PRKCE: variants seen among roughly 807,000 people sequenced by gnomAD.
PRKCE encodes protein kinase C epsilon.
A neutral mutation model predicts 85.4 loss-of-function variants in PRKCE; 16 were observed. The ratio of observed to expected loss-of-function variants is 0.19; its 90% CI spans 0.13 to 0.28. The LOEUF is 0.28. PRKCE is among the 10% of genes least tolerant of loss of function. PRKCE has a pLI of 1.00. For synonymous variants in PRKCE, 388 were observed against 371.5 expected (o/e 1.04, Z -0.51); for missense variants, 573 against 975.2 (o/e 0.59, Z 5.49).
chr2:46,010,706 G>T (rs765654376), intron 10 of PRKCE, 189 bp downstream of exon 10: 11 of 1,598,476 alleles, frequency 6.9e-6, no homozygotes, highest in Non-Finnish European at 8.5e-6. Context: ...TCCATTCAAG[G>T]TTGTGCTTGT....
chr2:45,818,252 G>A (rs1229628934), intron 1 of PRKCE, among the ~76,000 whole-genome samples: 1 of 152,142 alleles, frequency 6.6e-6, no homozygotes, highest in Non-Finnish European at 1.5e-5. Context: ...CCAAATATTT[G>A]GGACTGAAGA....
At position 46,137,614 on chromosome 2, in the gene PRKCE, G is replaced by T. The variant is rs1158002256; in HGVS notation, c.1593-7479G>T. ...AAAATTACAAAAAAAAAAAAAAAAA[G>T]ATCTGGACAGTAGTGGTGCATGCCT... On this transcript the variant is annotated intron_variant, in intron 11 of 14. Coordinates refer to ENST00000306156, the MANE Select transcript of PRKCE (RefSeq NM_005400.3). Among the ~76,000 whole-genome samples, 5 of 141,902 alleles carry T rather than the reference G, an allele frequency of 3.5e-5. No homozygotes were observed. In the Admixed American group the frequency reaches 3.5e-4, roughly 10 times the overall value. The allele number at this position is 141,902 out of a possible 152,430, so 93.1% of individuals were successfully genotyped here. A position where few individuals can be genotyped will look rare whatever the true frequency, so the allele number is the denominator to read the frequency against.
chr2:46,097,810 G>C (rs1262703269), intron 11 of PRKCE, among the ~76,000 whole-genome samples: 1 of 152,308 alleles, frequency 6.6e-6, no homozygotes, highest in East Asian at 1.9e-4. Context: ...ATCTACTTGA[G>C]GCTGAGACTA....
intron 14 of PRKCE, among the ~76,000 whole-genome samples, chr2:46,173,639 G>T (rs1383456494): frequency 1.3e-5 from 2 of 152,232 alleles, no homozygotes; most frequent in African/African-American, 4.8e-5. Flanking sequence ...CCTTCCAAAG[G>T]AACCTTCGGG....
intron 1 of PRKCE, among the ~76,000 whole-genome samples, chr2:45,695,633 T>C (rs949365149): frequency 1.8e-4 from 28 of 152,128 alleles, no homozygotes; most frequent in African/African-American, 5.5e-4. Context: ...ATTAGCCGGG[T>C]GTGATGGTAT....
Position 46,007,663 on chromosome 2 carries a change from T to A in PRKCE, c.1263+2T>A. The A allele has an allele frequency of 6.3e-7, 1 of 1,599,542 alleles. No individual in the cohort carries two copies. ...TTGGGCAAAGGCAGCTTTGGCAAGG[T>A]CTGTGGCACACACGGGTGGAACTGC... On this transcript the variant is annotated splice_donor_variant, in intron 9 of 14. Coordinates refer to ENST00000306156, the MANE Select transcript of PRKCE (RefSeq NM_005400.3). LOFTEE classifies it high-confidence loss of function.
At chr2:46,097,292 G>C (rs189660791) in intron 11 of PRKCE, among the ~76,000 whole-genome samples, 8 of 152,258 alleles carry the variant, frequency 5.3e-5, no homozygotes, top group Admixed American at 5.2e-4. Context: ...GCCGAGGTGG[G>C]TGGATCACAA....
intron 10 of PRKCE, among the ~76,000 whole-genome samples, chr2:46,083,781 T>C (rs374418261): frequency 4.6e-5 from 7 of 152,348 alleles, no homozygotes; most frequent in African/African-American, 1.7e-4. Flanking sequence ...CAAGCTTCCA[T>C]GTGATTCTAA....
At chr2:45,850,543 C>T (rs1397602291) in intron 2 of PRKCE, among the ~76,000 whole-genome samples, 2 of 152,164 alleles carry the variant, frequency 1.3e-5, no homozygotes, top group African/African-American at 4.8e-5. Flanking sequence ...ATTCATTTAA[C>T]CTAATTTAGA....
intron 1 of PRKCE, among the ~76,000 whole-genome samples, chr2:45,803,085 A>G (rs941207303): frequency 6.6e-6 from 1 of 152,244 alleles, no homozygotes; most frequent in Non-Finnish European, 1.5e-5. Flanking sequence ...TGATTTCTAA[A>G]CAATATTCCA....
At chr2:45,770,702 C>A (rs899201743) in intron 1 of PRKCE, 1 of 152,224 alleles carries the variant, frequency 6.6e-6, no homozygotes, top group African/African-American at 2.4e-5. Context: ...GATGCCAGCT[C>A]TCTAACCGTA....
intron 1 of PRKCE, among the ~76,000 whole-genome samples, chr2:45,689,763 G>T (rs538877269): frequency 6.6e-6 from 1 of 151,908 alleles, no homozygotes; most frequent in African/African-American, 2.4e-5. Flanking sequence ...AGGCATGGTG[G>T]TGTGTGACTG....
rs566485718 is a variant in PRKCE at position 46,138,585 on chromosome 2, T to G, written c.1593-6508T>G. On this transcript the variant is annotated intron_variant, in intron 11 of 14. Transcript: ENST00000306156. This position sits in a 1 kb window ranked among gnomAD's most constrained non-coding sequence, Gnocchi z 4.2. ...TGTGCTTTCCAAATCTCTGTCTGGC[T>G]TAGTGATCCGGGCCAGGCCGTGTTA... 1.3e-3 allele frequency among the ~76,000 whole-genome samples: 204 copies of G among 152,308 alleles called. No homozygotes were observed. Among genetic ancestry groups the G allele is most frequent in the Non-Finnish European group, 2.2e-3 (150 of 68,024 alleles).
chr2:46,115,375 A>G (rs868577218), intron 11 of PRKCE, among the ~76,000 whole-genome samples: 1 of 152,186 alleles, frequency 6.6e-6, no homozygotes, highest in Non-Finnish European at 1.5e-5. Context: ...TTTTGTACAA[A>G]GAGAAGCACA....
intron 10 of PRKCE, among the ~76,000 whole-genome samples, chr2:46,024,106 T>C (rs1013910483): frequency 6.6e-6 from 1 of 152,270 alleles, no homozygotes; most frequent in Middle Eastern, 3.4e-3. Context: ...CTCCTGAGGA[T>C]TGATAAACCA....
intron 2 of PRKCE, among the ~76,000 whole-genome samples, chr2:45,917,861 C>A (rs956263411): frequency 5.3e-5 from 8 of 152,266 alleles, no homozygotes; most frequent in Non-Finnish European, 8.8e-5. Context: ...GCGCAGCGCC[C>A]GTGGGCCGGC....
intron 10 of PRKCE, among the ~76,000 whole-genome samples, chr2:46,084,407 C>T (rs985320741): frequency 3.3e-5 from 5 of 152,144 alleles, no homozygotes; most frequent in African/African-American, 4.8e-5. Context: ...CTCCTGGAAG[C>T]TTCACTTAGA....
rs187883572 is a variant in PRKCE, at chr2:45,967,799, A to T, written c.413-8630A>T. Reference sequence around the variant, plus strand: ...TGGAATTGCCCCTCTCCTGATAGATAAGATAGGAAAACAGTGGCTCAGAGA... The same window carrying T: ...TGGAATTGCCCCTCTCCTGATAGATTAGATAGGAAAACAGTGGCTCAGAGA... On this transcript the variant is annotated intron_variant, in intron 2 of 14. Transcript: ENST00000306156. 5.3e-5 allele frequency among the ~76,000 whole-genome samples: 8 copies of T among 152,240 alleles called. No homozygotes were observed. In the East Asian group the frequency reaches 1.5e-3, roughly 29 times the overall value.
At chr2:45,863,682 T>C (rs1370311915) in intron 2 of PRKCE, among the ~76,000 whole-genome samples, 1 of 152,092 alleles carries the variant, frequency 6.6e-6, no homozygotes, top group East Asian at 1.9e-4. Context: ...TCAGGATGCA[T>C]TGAGGCTTAA....
Sources: gnomAD v4.1 joint callset for allele counts (sites outside exome capture counted in the v4.1 genomes callset) on GRCh38, gnomAD v4.1.1 for gene constraint, Gnocchi (gnomAD v3.1) non-coding constraint, MANE v1.5 for transcripts, NCBI Gene and HGNC (gene_info 2026-07-23, HGNC 2026-07-21) for gene names.